MTR: variants seen among roughly 807,000 people sequenced by gnomAD.
The protein encoded by MTR is methionine synthase.
A neutral mutation model predicts 154.8 loss-of-function variants in MTR; 84 were observed. That is an observed-to-expected ratio of 0.54 (90% CI 0.45 to 0.65). The LOEUF (loss-of-function observed/expected upper bound fraction) is 0.65, where lower values mean the gene tolerates loss of function less well. Ranked by LOEUF, MTR falls within the 30% of genes least tolerant of loss-of-function variation. The pLI is 0.00. For synonymous variants in MTR, 554 were observed against 553.9 expected, an observed-to-expected ratio of 1.00 and a Z score of 0.00; for missense variants, 1,275 against 1,570.2, an observed-to-expected ratio of 0.81 and a Z score of 3.18.
intron 10 of MTR, 152 bp from the exon 11 acceptor site, chr1:236,826,677 A>G: frequency 1.4e-6 from 1 of 706,898 alleles, no homozygotes; most frequent in Non-Finnish European, 2.6e-6. Flanking sequence ...AGGGCATGTG[A>G]TATCTTTGTA....
At chr1:236,797,056 G>A (rs1376637087) in intron 1 of MTR, among the ~76,000 whole-genome samples, 2 of 152,056 alleles carry the variant, frequency 1.3e-5, no homozygotes, top group Admixed American at 6.6e-5. Context: ...ATTGTTGAAT[G>A]TTTGAATCTT....
intron 25 of MTR, among the ~76,000 whole-genome samples, chr1:236,883,637 G>T (rs1665871973): frequency 6.6e-6 from 1 of 152,190 alleles, no homozygotes. Flanking sequence ...CCATTGAGGT[G>T]AGTTTAATGT....
intron 22 of MTR, among the ~76,000 whole-genome samples, chr1:236,867,884 C>T (rs943174610): frequency 1.3e-5 from 2 of 152,196 alleles, no homozygotes; most frequent in African/African-American, 4.8e-5. Flanking sequence ...GGAATTGCTT[C>T]TTACGGCTGA....
chr1:236,835,737 C>T, intron 14 of MTR, 50 bp downstream of exon 14: 2 of 1,610,098 alleles, frequency 1.2e-6, no homozygotes, highest in Admixed American at 1.7e-5. Flanking sequence ...CTCACTTTGA[C>T]ACTCATTTAA....
chr1:236,859,740 A>G (rs1664409685), intron 18 of MTR, 93 bp from the exon 19 acceptor site: 1 of 979,902 alleles, frequency 1.0e-6, no homozygotes, highest in Admixed American at 1.8e-5. Context: ...GAAGAATAAG[A>G]CACAGGTTTT....
chr1:236,810,816 A>G (rs1341855661), intron 5 of MTR, among the ~76,000 whole-genome samples: 1 of 152,232 alleles, frequency 6.6e-6, no homozygotes, highest in Non-Finnish European at 1.5e-5. Context: ...TCAAATATAT[A>G]TGGTGGTGTG....
intron 15 of MTR, among the ~76,000 whole-genome samples, chr1:236,849,181 T>C (rs1663757485): frequency 6.6e-6 from 1 of 152,214 alleles, no homozygotes; most frequent in South Asian, 2.1e-4. Flanking sequence ...CTGAAGACAG[T>C]TTCCATGACA....
Position 236,861,121 on chromosome 1 carries a change from T to C in MTR, c.2044-4T>C. On this transcript the variant is annotated splice_polypyrimidine_tract_variant and splice_region_variant and intron_variant, in intron 19 of 32. Coordinates refer to ENST00000366577, the MANE Select transcript of MTR (RefSeq NM_000254.3). Reference sequence around the variant, plus strand: ...TCTTTTTTTTTTTTTTTTGTCTTTTTTAGGGCATTGAAAAACATATTATTG... The same window carrying C: ...TCTTTTTTTTTTTTTTTTGTCTTTTCTAGGGCATTGAAAAACATATTATTG... 6.3e-7 allele frequency: 1 copy of C among 1,578,544 alleles called. No homozygotes were observed. The highest frequency in any genetic ancestry group is 8.6e-7 in the Non-Finnish European group (1 of 1,167,190).
intron 12 of MTR, 132 bp from the exon 13 acceptor site, chr1:236,831,834 T>C (rs1183185008): frequency 7.1e-6 from 5 of 703,680 alleles, no homozygotes; most frequent in Admixed American, 2.1e-5. Context: ...TGTTTCCACA[T>C]TGGATCTCCT....
chr1:236,894,793 G>C, intron 30 of MTR: 1 of 564,812 alleles, frequency 1.8e-6, no homozygotes, highest in Non-Finnish European at 3.1e-6. Flanking sequence ...ACAGTTGGCT[G>C]TTGCTCTTAG....
chr1:236,855,029 T>C (rs1664126054), intron 18 of MTR, among the ~76,000 whole-genome samples: 3 of 152,158 alleles, frequency 2.0e-5, no homozygotes, highest in Admixed American at 1.3e-4. Flanking sequence ...TCCGTTGCCA[T>C]TGAGGGAATT....
chr1:236,828,190 G>A (rs1021177518), intron 11 of MTR, among the ~76,000 whole-genome samples: 2 of 152,122 alleles, frequency 1.3e-5, no homozygotes, highest in Non-Finnish European at 2.9e-5. Context: ...CGTTAGCCAG[G>A]ATGGTCTTGG....
At chr1:236,795,946 A>C (rs1660358635) in intron 1 of MTR, among the ~76,000 whole-genome samples, 1 of 152,194 alleles carries the variant, frequency 6.6e-6, no homozygotes, top group African/African-American at 2.4e-5. Context: ...CTTTCTCCCC[A>C]GGCAAGCCAT....
At chr1:236,891,050 G>A (rs1666287232) in intron 28 of MTR, 83 bp from the exon 29 acceptor site, 1 of 1,442,340 alleles carries the variant, frequency 6.9e-7, no homozygotes, top group South Asian at 1.1e-5. Context: ...TGACTGAGGA[G>A]GGGTAATGGC....
intron 15 of MTR, among the ~76,000 whole-genome samples, chr1:236,848,065 CTG>C (rs764365248): frequency 2.0e-5 from 3 of 152,206 alleles, no homozygotes; most frequent in Non-Finnish European, 4.4e-5. Flanking sequence ...GGTTGAGTAT[CTG>C]TTAATGTGGC....
At chr1:236,834,619 T>C (rs552013375) in intron 13 of MTR, among the ~76,000 whole-genome samples, 71 of 152,256 alleles carry the variant, frequency 4.7e-4, no homozygotes, top group African/African-American at 1.4e-3. Context: ...ATTTTTTTTT[T>C]CCTTGGGCTA....
chr1:236,894,826 C>G (rs1666532766), intron 30 of MTR: 2 of 503,670 alleles, frequency 4.0e-6, no homozygotes, highest in East Asian at 3.6e-5. Flanking sequence ...TACCTTATCT[C>G]TGTTGTCTCT....
chr1:236,818,251 T>C (rs143865090), intron 8 of MTR, among the ~76,000 whole-genome samples: 8 of 152,346 alleles, frequency 5.3e-5, no homozygotes, highest in African/African-American at 1.4e-4. Flanking sequence ...TTACTAATCA[T>C]GTATTGCTAT....
At chr1:236,860,048 C>A in intron 19 of MTR, 126 bp downstream of exon 19, 2 of 511,396 alleles carry the variant, frequency 3.9e-6, no homozygotes, top group Non-Finnish European at 7.0e-6. Flanking sequence ...CTGGGGAGGT[C>A]CCTCTTGCTG....
Sources: gnomAD v4.1 joint callset for allele counts (sites outside exome capture counted in the v4.1 genomes callset) on GRCh38, gnomAD v4.1.1 for gene constraint, MANE v1.5 for transcripts, NCBI Gene and HGNC (gene_info 2026-07-23, HGNC 2026-07-21) for gene names.